Variants in VWF observed in about 807,000 individuals in gnomAD.
VWF encodes Factor VIII related antigen.
Under a neutral mutation model 308.6 loss-of-function variants are expected in VWF, and 176 were observed. The observed-to-expected ratio is 0.57, with a 90% CI of 0.50 to 0.65. The LOEUF is 0.65. VWF is among the 30% of genes least tolerant of loss of function. The pLI is 0.00. For missense variants in VWF, 3,146 were observed against 3,648.2 expected (o/e 0.86, Z 3.55); for synonymous variants, 1,385 against 1,443.4 (o/e 0.96, Z 0.92).
chr12:5,969,096 G>A (rs1399936420), intron 45 of VWF, 115 bp downstream of exon 45: 25 of 1,181,502 alleles, frequency 2.1e-5, no homozygotes, highest in South Asian at 1.5e-4. Flanking sequence ...GGAAGATTTC[G>A]GTCCTATCCA....
chr12:5,957,202 T>C lies in VWF; in HGVS notation c.7888-3608A>G, dbSNP rs555484231. ...CATAACCTAGTTGTATAGTAGACCA[T>C]ACCATCTGGATTTGCGTATGTGCAC... On this transcript the variant is annotated intron_variant, in intron 47 of 51. Transcript: ENST00000261405. 5.0e-4 allele frequency among the ~76,000 whole-genome samples: 76 copies of C among 152,304 alleles called. 1 individual carries two copies. The highest frequency in any genetic ancestry group is 1.8e-3 in the African/African-American group (74 of 41,570).
At chr12:5,951,950 C>A in intron 49 of VWF, 67 bp from the exon 50 acceptor site, 1 of 1,545,976 alleles carries the variant, frequency 6.5e-7, no homozygotes, top group Non-Finnish European at 8.9e-7. Flanking sequence ...CAGGTCACTC[C>A]GGGCCAATTT....
chr12:6,110,002 G>A (rs1565393630), intron 5 of VWF, among the ~76,000 whole-genome samples: 1 of 152,126 alleles, frequency 6.6e-6, no homozygotes, highest in Non-Finnish European at 1.5e-5. Context: ...ACACACACAT[G>A]CACACACACA....
At chr12:6,009,186 T>C (rs1398075867) in intron 34 of VWF, among the ~76,000 whole-genome samples, 1 of 151,676 alleles carries the variant, frequency 6.6e-6, no homozygotes. Flanking sequence ...AAACCGTACA[T>C]TTGATAAAGG....
chr12:5,985,763 G>C, intron 38 of VWF, 98 bp from the exon 39 acceptor site: 3 of 1,144,956 alleles, frequency 2.6e-6, no homozygotes, highest in Non-Finnish European at 2.6e-6. Flanking sequence ...GCAAGGGCCA[G>C]TCCCTGACCC....
intron 3 of VWF, among the ~76,000 whole-genome samples, chr12:6,116,822 A>G (rs1260875868): frequency 4.6e-5 from 7 of 152,214 alleles, no homozygotes; most frequent in Non-Finnish European, 7.3e-5. Flanking sequence ...CAGGATATGA[A>G]TAAGGTCCAC....
intron 47 of VWF, among the ~76,000 whole-genome samples, chr12:5,964,059 A>G (rs1298396858): frequency 6.6e-6 from 1 of 152,006 alleles, no homozygotes; most frequent in Non-Finnish European, 1.5e-5. Context: ...TACAAAAAAA[A>G]GAAAAAAATT....
chr12:5,963,989 C>T (rs1322836861), intron 47 of VWF, among the ~76,000 whole-genome samples: 4 of 152,082 alleles, frequency 2.6e-5, no homozygotes, highest in South Asian at 2.1e-4. Flanking sequence ...GGGCAGATCA[C>T]GAGGTCAGGA....
chr12:6,092,515 T>TG (rs1945046872), intron 6 of VWF, among the ~76,000 whole-genome samples: 1 of 131,860 alleles, frequency 7.6e-6, no homozygotes, highest in South Asian at 2.6e-4. Flanking sequence ...TAGTATGTGT[T>TG]TGTCTGTGTG....
chr12:5,970,488 C>G (rs1666414416), intron 44 of VWF, among the ~76,000 whole-genome samples: 1 of 152,124 alleles, frequency 6.6e-6, no homozygotes, highest in South Asian at 2.1e-4. Context: ...GATGGGGCAG[C>G]CCCTGATCTG....
intron 15 of VWF, among the ~76,000 whole-genome samples, chr12:6,055,139 T>A (rs1163243331): frequency 6.6e-6 from 1 of 152,204 alleles, no homozygotes; most frequent in African/African-American, 2.4e-5. Flanking sequence ...CATCAGCCCA[T>A]TTCCCCTGTT....
rs781455398 is a variant in VWF, at chr12:6,075,364, A to G, written c.845T>C (p.Leu282Pro). Residue 282 changes from leucine to proline, a missense_variant, in exon 7 of 52, where the codon CTG becomes CCG. By Grantham distance (98) the Leu-to-Pro change is moderately conservative (BLOSUM62 -3). Coordinates refer to ENST00000261405, the MANE Select transcript of VWF (RefSeq NM_000552.5). This position sits in a 1 kb window ranked among gnomAD's most constrained non-coding sequence, Gnocchi z 4.7. The stretch of plus-strand genomic sequence containing the variant: ...CGCGCTGTGGTCGGTCCAGCCGTAC[A>G]GCACCATTCCCTCCTGGGCACAGGT... ...ARTCAQEGMV[L>P]YGWTDHSACS... is the part of the protein sequence containing the mutation. 50 of 1,614,008 alleles carry G rather than the reference A, an allele frequency of 3.1e-5. No individual in the cohort carries two copies. Among genetic ancestry groups the G allele is most frequent in the Non-Finnish European group, 3.7e-5 (44 of 1,180,032 alleles).
chr12:6,054,632 C>T (rs1411433012), intron 15 of VWF, among the ~76,000 whole-genome samples: 1 of 152,206 alleles, frequency 6.6e-6, no homozygotes, highest in Non-Finnish European at 1.5e-5. Context: ...TGGTCCTTGC[C>T]TTCAGAAAGC....
intron 13 of VWF, among the ~76,000 whole-genome samples, chr12:6,061,094 G>C (rs376207910): frequency 6.6e-6 from 1 of 152,162 alleles, no homozygotes; most frequent in African/African-American, 2.4e-5. Context: ...TCAGCTACTC[G>C]GGAGGTTGAG....
chr12:5,987,110 A>G lies in VWF; in HGVS notation c.6799-1445T>C, dbSNP rs540231136. Among the ~76,000 whole-genome samples the G allele has an allele frequency of 1.4e-4, 21 of 152,162 alleles. No individual in the cohort carries two copies. The South Asian group carries it at 4.1e-3, about 30-fold the overall frequency. Reference sequence around the variant, plus strand: ...ACCCAGCTAATTTTTGTATTTTAGTAGAGACAGGATTTCACCATGTTGGCC... The same window carrying G: ...ACCCAGCTAATTTTTGTATTTTAGTGGAGACAGGATTTCACCATGTTGGCC... On this transcript the variant is annotated intron_variant, in intron 38 of 51. Transcript: ENST00000261405.
At chr12:6,084,670 T>C (rs1944949035) in intron 6 of VWF, among the ~76,000 whole-genome samples, 1 of 152,102 alleles carries the variant, frequency 6.6e-6, no homozygotes, top group Non-Finnish European at 1.5e-5. Flanking sequence ...TTCCTAGGAC[T>C]GAGTGAACAA....
intron 34 of VWF, among the ~76,000 whole-genome samples, chr12:6,001,606 T>C (rs923068375): frequency 6.6e-5 from 10 of 152,110 alleles, no homozygotes; most frequent in African/African-American, 1.9e-4. Context: ...GCAAAAACTA[T>C]AGGAGAAGCA....
chr12:6,004,050 C>T (rs1483697806), intron 34 of VWF, among the ~76,000 whole-genome samples: 2 of 151,922 alleles, frequency 1.3e-5, no homozygotes, highest in Admixed American at 1.3e-4. Context: ...ATCTCCTGAC[C>T]TCATTCATGA....
rs943631094 is a variant in VWF, at chr12:6,046,856, C to T, written c.2187-39G>A. The T allele has an allele frequency of 1.9e-6, 3 of 1,583,506 alleles. No homozygotes were observed. The highest frequency in any genetic ancestry group is 2.2e-5 in the East Asian group (1 of 44,662). Reference sequence around the variant, plus strand: ...AATCATAGCCGAGCTTCACGAGACTCGTCTATACTCGCTGCCTCCACATCT... The same window carrying T: ...AATCATAGCCGAGCTTCACGAGACTTGTCTATACTCGCTGCCTCCACATCT... On this transcript the variant is annotated intron_variant, in intron 16 of 51. Transcript: ENST00000261405. This position sits in a 1 kb window ranked among gnomAD's most constrained non-coding sequence, Gnocchi z 5.0.
Sources: allele counts gnomAD v4.1 joint callset (sites outside exome capture counted in the v4.1 genomes callset), GRCh38; gene constraint gnomAD v4.1.1; non-coding constraint Gnocchi (gnomAD v3.1); transcripts MANE v1.5; gene names NCBI Gene and HGNC (gene_info 2026-07-23, HGNC 2026-07-21).